The following TRPC1 variants were observed in gnomAD, a reference collection of about 807,000 sequenced individuals.
TRPC1 encodes transient receptor potential cation channel subfamily C member 1, also known as short transient receptor potential channel 1.
TRPC1 carries 42 observed loss-of-function variants against 88.2 expected under a neutral mutation model. The ratio of observed to expected loss-of-function variants is 0.48; its 90% CI spans 0.37 to 0.62. TRPC1 has a LOEUF of 0.62. Among genes scored for constraint, TRPC1 ranks in the 20% least tolerant of loss-of-function variants. The pLI is 0.00. For synonymous variants in TRPC1, 288 were observed against 331.8 expected (o/e 0.87, Z 1.43); for missense variants, 699 against 957.3 (o/e 0.73, Z 3.56).
intron 1 of TRPC1, among the ~76,000 whole-genome samples, chr3:142,727,166 G>C (rs1288563259): frequency 6.6e-6 from 1 of 152,136 alleles, no homozygotes; most frequent in Non-Finnish European, 1.5e-5. Context: ...TATAAACCTT[G>C]ATTTCTGTGT....
intron 4 of TRPC1, among the ~76,000 whole-genome samples, chr3:142,757,232 T>G (rs1577967576): frequency 2.3e-5 from 1 of 42,676 alleles, no homozygotes; most frequent in African/African-American, 3.2e-4. Context: ...TTCTTTTGGA[T>G]ATATATATAT....
intron 9 of TRPC1, among the ~76,000 whole-genome samples, chr3:142,794,441 C>A (rs1411753772): frequency 1.3e-5 from 2 of 151,794 alleles, no homozygotes; most frequent in African/African-American, 4.8e-5. Context: ...CTATCTAAAG[C>A]AATCAAAAAG....
chr3:142,724,965 C>T lies in TRPC1; in HGVS notation c.172+234C>T, dbSNP rs542225423. Among the ~76,000 whole-genome samples the T allele has an allele frequency of 3.3e-5, 5 of 152,318 alleles. No individual in the cohort carries two copies. The highest frequency in any genetic ancestry group is 1.2e-4 in the African/African-American group (5 of 41,586). On this transcript the variant is annotated intron_variant, in intron 1 of 12. Coordinates refer to ENST00000476941, the MANE Select transcript of TRPC1 (RefSeq NM_001251845.2). This position sits in a 1 kb window ranked among gnomAD's most constrained non-coding sequence, Gnocchi z 5.6. Reference sequence around the variant, plus strand: ...CGGAGCGCTGCACCGTCGGGGGTGGCTCTGGCCTTGGGGTCCGGGGTTTAG... The same window carrying T: ...CGGAGCGCTGCACCGTCGGGGGTGGTTCTGGCCTTGGGGTCCGGGGTTTAG...
intron 9 of TRPC1, among the ~76,000 whole-genome samples, chr3:142,796,200 C>T (rs910027988): frequency 2.0e-5 from 3 of 152,134 alleles, no homozygotes; most frequent in Admixed American, 6.6e-5. Context: ...ACTGGGATTC[C>T]GCCTAGGTGG....
In TRPC1 at chr3:142,724,797, C is replaced by T; in HGVS notation, c.172+66C>T. Reference sequence around the variant, plus strand: ...TCCAGACCTTTAGTCCTCTCCCCCGCCTCAACTTATATCGGGGCATTCCCT... The same window carrying T: ...TCCAGACCTTTAGTCCTCTCCCCCGTCTCAACTTATATCGGGGCATTCCCT... On this transcript the variant is annotated intron_variant, in intron 1 of 12. Coordinates refer to ENST00000476941, the MANE Select transcript of TRPC1 (RefSeq NM_001251845.2). The surrounding 1 kb of genome is among the most constrained non-coding windows in gnomAD (Gnocchi z 5.6). 3 of 1,433,370 alleles carry T rather than the reference C, an allele frequency of 2.1e-6. No individual in the cohort carries two copies. Among genetic ancestry groups the T allele is most frequent in the Non-Finnish European group, 2.8e-6 (3 of 1,083,432 alleles). The allele number at this position is 1,433,370 out of a possible 1,614,324, so 88.8% of individuals were successfully genotyped here.
Position 142,802,218 on chromosome 3 carries a change from T to C in TRPC1, c.1631T>C (p.Phe544Ser). The change falls in exon 10 of 13, where the codon TTT becomes TCT. Residue 544 changes from phenylalanine (F) to serine (S), a missense_variant. Transcript: ENST00000476941. ...GATTTTGGAAAATTTCTTGGGATGTTTCTTCTTGTTTTGTTTTCTTTCACA... is the reference window on the plus strand; with the variant it reads ...GATTTTGGAAAATTTCTTGGGATGTCTCTTCTTGTTTTGTTTTCTTTCACA... ...LQDFGKFLGMFLLVLFSFTIG... is the reference protein window; with the variant it reads ...LQDFGKFLGMSLLVLFSFTIG... The C allele has an allele frequency of 6.3e-7, 1 of 1,594,404 alleles. No individual in the cohort carries two copies.
chr3:142,746,898 G>A (rs1934577191), intron 3 of TRPC1, among the ~76,000 whole-genome samples: 1 of 150,842 alleles, frequency 6.6e-6, no homozygotes, highest in African/African-American at 2.4e-5. Flanking sequence ...CCATAATTCT[G>A]CTGCTGGGCT....
intron 4 of TRPC1, among the ~76,000 whole-genome samples, chr3:142,758,352 A>C (rs1300025589): frequency 6.6e-6 from 1 of 152,172 alleles, no homozygotes; most frequent in East Asian, 1.9e-4. Context: ...ATGATACTGC[A>C]TTGTGATTTT....
Position 142,766,044 on chromosome 3 carries a change from A to G in TRPC1, c.633-11588A>G, listed in dbSNP as rs540431056. Among the ~76,000 whole-genome samples, 33 of 152,324 alleles carry G rather than the reference A, an allele frequency of 2.2e-4. No individual in the cohort carries two copies. The East Asian group carries it at 6.4e-3, about 29-fold the overall frequency. On this transcript the variant is annotated intron_variant, in intron 4 of 12. Transcript: ENST00000476941. ...GAATGTCTATTAAGAAGTAAAAAAAAAAACAGATGCTGGCAAGGTTATGGA... is the reference window on the plus strand; with the variant it reads ...GAATGTCTATTAAGAAGTAAAAAAAGAAACAGATGCTGGCAAGGTTATGGA...
chr3:142,724,590 C>G lies in TRPC1; in HGVS notation c.31C>G (p.Leu11Val). The change falls in exon 1 of 13, where the codon CTC (leucine) becomes GTC (valine). Residue 11 changes from leucine to valine, a missense_variant. This residue lies in a region of TRPC1 where 157 missense variants were observed against 127.0 expected (regional missense o/e 1.24). Transcript: ENST00000476941. This position sits in a 1 kb window ranked among gnomAD's most constrained non-coding sequence, Gnocchi z 5.6. The stretch of plus-strand genomic sequence containing the variant: ...GGCGGCCCTGTACCCGAGCACGGAC[C>G]TCTCGGGCGCCTCCTCCTCCTCCCT... MMAALYPSTD[L>V]SGASSSSLPS... 1 of 1,598,724 alleles carries G rather than the reference C, an allele frequency of 6.3e-7. No homozygotes were observed. The highest frequency in any genetic ancestry group is 8.5e-7 in the Non-Finnish European group (1 of 1,173,850).
intron 4 of TRPC1, among the ~76,000 whole-genome samples, chr3:142,768,233 A>G (rs772079568): frequency 6.6e-6 from 1 of 152,070 alleles, no homozygotes; most frequent in Non-Finnish European, 1.5e-5. Context: ...TAAATATTAC[A>G]TATCGCTACT....
At chr3:142,745,060 C>T (rs1934492403) in intron 3 of TRPC1, among the ~76,000 whole-genome samples, 1 of 152,156 alleles carries the variant, frequency 6.6e-6, no homozygotes, top group Admixed American at 6.5e-5. Flanking sequence ...CAGACTATTA[C>T]AAAAGTGTGA....
intron 4 of TRPC1, among the ~76,000 whole-genome samples, chr3:142,775,704 G>A (rs939123078): frequency 6.6e-6 from 1 of 151,942 alleles, no homozygotes; most frequent in Non-Finnish European, 1.5e-5. Context: ...ACTAAAAGCA[G>A]GATAAATAAT....
chr3:142,747,391 CT>C (rs1280443767), intron 3 of TRPC1, among the ~76,000 whole-genome samples: 1 of 151,970 alleles, frequency 6.6e-6, no homozygotes, highest in Admixed American at 6.6e-5. Flanking sequence ...AATAGTCAAC[CT>C]TTTTATTTAA....
chr3:142,748,016 C>G (rs890668592), intron 3 of TRPC1, among the ~76,000 whole-genome samples: 1 of 151,964 alleles, frequency 6.6e-6, no homozygotes, highest in Non-Finnish European at 1.5e-5. Flanking sequence ...AAAAACAGAC[C>G]TCTAGTTAAA....
chr3:142,801,999 G>C (rs937902975), intron 9 of TRPC1, among the ~76,000 whole-genome samples, 170 bp from the exon 10 acceptor site: 1 of 152,058 alleles, frequency 6.6e-6, no homozygotes, highest in Non-Finnish European at 1.5e-5. Flanking sequence ...CTTTTTGTTA[G>C]GCAGCTGGAT....
chr3:142,725,128 A>G (rs1016381034), intron 1 of TRPC1, among the ~76,000 whole-genome samples: 2 of 152,220 alleles, frequency 1.3e-5, no homozygotes, highest in African/African-American at 4.8e-5. Flanking sequence ...CTCCAGTCGG[A>G]AAATTCCGTC....
At chr3:142,778,867 T>C (rs1935870359) in intron 5 of TRPC1, among the ~76,000 whole-genome samples, 1 of 152,244 alleles carries the variant, frequency 6.6e-6, no homozygotes, top group South Asian at 2.1e-4. Flanking sequence ...AGTTTGGAAC[T>C]ACTGTCTTGT....
At chr3:142,728,775 T>TTA (rs1305714706) in intron 1 of TRPC1, among the ~76,000 whole-genome samples, 2 of 152,162 alleles carry the variant, frequency 1.3e-5, no homozygotes, top group African/African-American at 4.8e-5. Flanking sequence ...AACACCTTAT[T>TTA]TATATATAAT....
Sources: gnomAD v4.1 joint callset for allele counts (sites outside exome capture counted in the v4.1 genomes callset) on GRCh38, gnomAD v4.1.1 for gene constraint, gnomAD v4.1.1 regional missense constraint, Gnocchi (gnomAD v3.1) non-coding constraint, MANE v1.5 for transcripts, NCBI Gene and HGNC (gene_info 2026-07-23, HGNC 2026-07-21) for gene names.